MAP3K1: variants seen among roughly 807,000 people sequenced by gnomAD.
MAP3K1 encodes mitogen-activated protein kinase kinase kinase 1.
A neutral mutation model predicts 144.2 loss-of-function variants in MAP3K1; 36 were observed. The observed-to-expected ratio is 0.25, with a 90% confidence interval of 0.19 to 0.33. The LOEUF (loss-of-function observed/expected upper bound fraction) is 0.33, where lower values mean the gene tolerates loss of function less well. Ranked by LOEUF, MAP3K1 falls within the 10% of genes least tolerant of loss-of-function variation. The probability of loss-of-function intolerance (pLI) is 1.00; values close to 1 mark genes in which losing one functional copy is unlikely to be tolerated. For synonymous variants in MAP3K1, 718 were observed against 688.7 expected (o/e 1.04, Z -0.67); for missense variants, 1,650 against 1,881.9 (o/e 0.88, Z 2.28).
chr5:56,870,393 T>C (rs549596491), intron 6 of MAP3K1, among the ~76,000 whole-genome samples: 7 of 152,280 alleles, frequency 4.6e-5, no homozygotes, highest in African/African-American at 1.4e-4. Flanking sequence ...AAGCCATCCC[T>C]CACATCATGA....
At chr5:56,851,159 T>G (rs879927296) in intron 1 of MAP3K1, among the ~76,000 whole-genome samples, 2 of 152,176 alleles carry the variant, frequency 1.3e-5, no homozygotes, top group African/African-American at 4.8e-5. Context: ...TTGGTCAGGC[T>G]GGTCTCGAAC....
rs530589211 is a variant in MAP3K1 at position 56,858,407 on chromosome 5, T to C, written c.634-1308T>C. 6.6e-5 allele frequency among the ~76,000 whole-genome samples: 10 copies of C among 152,338 alleles called. No homozygotes were observed. The South Asian group carries it at 2.1e-3, about 32-fold the overall frequency. On this transcript the variant is annotated intron_variant, in intron 2 of 19. Transcript: ENST00000399503. ...AGCAAGTACCAAAGTACCTTGTCTG[T>C]ATATAAGACATGAGTGAAGAGGGAG...
Position 56,872,822 on chromosome 5 carries a change from T to C in MAP3K1, c.1506-3T>C. 1.2e-6 allele frequency: 2 copies of C among 1,614,176 alleles called. No individual in the cohort carries two copies. Among genetic ancestry groups the C allele is most frequent in the Non-Finnish European group, 1.7e-6 (2 of 1,180,000 alleles). On this transcript the variant is annotated splice_polypyrimidine_tract_variant and splice_region_variant and intron_variant, in intron 8 of 19. Transcript: ENST00000399503. ...AAGCAAGTTTTGTTATTTTTCATTT[T>C]AGCCACGAGTTGTCAAGTCCTGTGG...
At chr5:56,848,240 A>G (rs1051671751) in intron 1 of MAP3K1, among the ~76,000 whole-genome samples, 4 of 152,200 alleles carry the variant, frequency 2.6e-5, no homozygotes, top group Non-Finnish European at 5.9e-5. Context: ...TGGAAGTAAT[A>G]AAAACTTTCG....
chr5:56,861,016 A>G (rs1747492190), intron 3 of MAP3K1, among the ~76,000 whole-genome samples: 2 of 152,198 alleles, frequency 1.3e-5, no homozygotes, highest in Non-Finnish European at 2.9e-5. Context: ...GGTGATAACA[A>G]ATGTGATTAT....
At chr5:56,852,141 AAGTT>A (rs1747193792) in intron 1 of MAP3K1, 1 of 151,976 alleles carries the variant, frequency 6.6e-6, no homozygotes, top group African/African-American at 2.4e-5. Context: ...TATATTTATG[AAGTT>A]TTTTTGTGCT....
intron 10 of MAP3K1, among the ~76,000 whole-genome samples, chr5:56,875,777 C>T (rs1380854614): frequency 6.6e-6 from 1 of 152,034 alleles, no homozygotes; most frequent in Admixed American, 6.5e-5. Context: ...TTTTTAATGT[C>T]TTGCTGTTCA....
chr5:56,869,531 T>C (rs1303876694), intron 6 of MAP3K1, among the ~76,000 whole-genome samples: 2 of 152,198 alleles, frequency 1.3e-5, no homozygotes, highest in African/African-American at 2.4e-5. Flanking sequence ...TGCAATTTTA[T>C]AATAAAAATT....
intron 19 of MAP3K1, among the ~76,000 whole-genome samples, chr5:56,892,795 G>C (rs940760844): frequency 6.6e-6 from 1 of 152,040 alleles, no homozygotes; most frequent in Non-Finnish European, 1.5e-5. Context: ...GATTCATAAT[G>C]GGTGCTCAAA....
At chr5:56,887,254 C>A in intron 17 of MAP3K1, 124 bp from the exon 18 acceptor site, 1 of 884,328 alleles carries the variant, frequency 1.1e-6, no homozygotes, top group Non-Finnish European at 1.8e-6. Flanking sequence ...ACTGTTTGCA[C>A]CTCTGACATG....
chr5:56,861,569 A>T (rs1369767159), intron 3 of MAP3K1, among the ~76,000 whole-genome samples: 300 of 20,106 alleles, frequency 0.015, 1 homozygote, highest in Middle Eastern at 0.053. Context: ...TGAGACTCCT[A>T]AAAAAAAAAA....
chr5:56,843,075 G>A (rs970162158), intron 1 of MAP3K1, among the ~76,000 whole-genome samples: 2 of 152,150 alleles, frequency 1.3e-5, no homozygotes, highest in Admixed American at 6.5e-5. Flanking sequence ...GATGCAACAC[G>A]TTTCCTCATG....
rs552563402 is a variant in MAP3K1, at chr5:56,883,523, G to T, written c.3667-4G>T. ...TAAAAAGATTGCTTTCGTTTAATAT[G>T]TAGACACCAGAGACTCTACCAGGAC... On this transcript the variant is annotated splice_polypyrimidine_tract_variant and splice_region_variant and intron_variant, in intron 14 of 19. Transcript: ENST00000399503. 4.3e-5 allele frequency: 69 copies of T among 1,613,732 alleles called. No homozygotes were observed. In the East Asian group the frequency reaches 1.4e-3, roughly 33 times the overall value.
intron 1 of MAP3K1, among the ~76,000 whole-genome samples, chr5:56,833,320 T>G (rs1746553352): frequency 6.6e-6 from 1 of 152,250 alleles, no homozygotes; most frequent in Non-Finnish European, 1.5e-5. Flanking sequence ...TACATTTTTT[T>G]GCCAGCAAAA....
intron 6 of MAP3K1, among the ~76,000 whole-genome samples, chr5:56,871,131 C>T (rs1421001441): frequency 6.6e-6 from 1 of 152,004 alleles, no homozygotes; most frequent in Non-Finnish European, 1.5e-5. Context: ...ATATAATTAA[C>T]CATTATGTTG....
intron 1 of MAP3K1, among the ~76,000 whole-genome samples, chr5:56,826,126 G>A (rs1454320858): frequency 6.6e-6 from 1 of 151,810 alleles, no homozygotes; most frequent in East Asian, 1.9e-4. Flanking sequence ...CTTCTTTCTC[G>A]GCGTGCCCAA....
At chr5:56,853,263 CAT>C (rs372391643) in intron 1 of MAP3K1, among the ~76,000 whole-genome samples, 162 of 152,100 alleles carry the variant, frequency 1.1e-3, no homozygotes, top group African/African-American at 3.2e-3. Flanking sequence ...AAATTAATGA[CAT>C]GTAATTATTA....
intron 17 of MAP3K1, 141 bp from the exon 18 acceptor site, chr5:56,887,237 G>A (rs1474214633): frequency 2.6e-6 from 2 of 773,110 alleles, no homozygotes; most frequent in African/African-American, 1.7e-5. Context: ...GAAAGGAAAA[G>A]AGAATAACTG....
At chr5:56,831,181 TG>T (rs1372241671) in intron 1 of MAP3K1, among the ~76,000 whole-genome samples, 1 of 110,342 alleles carries the variant, frequency 9.1e-6, no homozygotes, top group Admixed American at 9.9e-5. Flanking sequence ...GATAAAATGT[TG>T]GGTTTTTTTT....
Sources: allele counts gnomAD v4.1 joint callset (sites outside exome capture counted in the v4.1 genomes callset), GRCh38; gene constraint gnomAD v4.1.1; transcripts MANE v1.5; gene names NCBI Gene and HGNC (gene_info 2026-07-23, HGNC 2026-07-21).